The following TTC27 variants were observed in gnomAD, a reference collection of about 807,000 sequenced individuals.
TTC27 encodes tetratricopeptide repeat protein 27.
A neutral mutation model predicts 115.9 loss-of-function variants in TTC27; 79 were observed. The ratio of observed to expected loss-of-function variants is 0.68; its 90% confidence interval spans 0.57 to 0.82. The LOEUF (loss-of-function observed/expected upper bound fraction) is 0.82. Among genes scored for constraint, TTC27 ranks in the 40% least tolerant of loss-of-function variants. The pLI is 0.00. For missense variants in TTC27, 1,054 were observed against 993.1 expected (o/e 1.06, Z -0.82); for synonymous variants, 401 against 356.0 (o/e 1.13, Z -1.42).
chr2:32,678,300 C>T (rs538638375), intron 8 of TTC27, among the ~76,000 whole-genome samples: 12 of 151,502 alleles, frequency 7.9e-5, no homozygotes, highest in African/African-American at 2.9e-4. Flanking sequence ...ATTTAGTACA[C>T]CAATCGCATT....
chr2:32,792,356 G>C (rs1257404196), intron 16 of TTC27, among the ~76,000 whole-genome samples: 1 of 152,122 alleles, frequency 6.6e-6, no homozygotes, highest in Non-Finnish European at 1.5e-5. Flanking sequence ...TTTAACTGTT[G>C]AGGTACCTGA....
chr2:32,799,673 T>C (rs980649782), intron 16 of TTC27, among the ~76,000 whole-genome samples: 1 of 152,106 alleles, frequency 6.6e-6, no homozygotes, highest in African/African-American at 2.4e-5. Context: ...ATAAGAAAGA[T>C]AAAAAGCTAA....
chr2:32,713,971 C>T (rs899413653), intron 10 of TTC27, among the ~76,000 whole-genome samples: 29 of 152,172 alleles, frequency 1.9e-4, no homozygotes, highest in Admixed American at 5.9e-4. Context: ...TCTTTGTATC[C>T]ATGTGTATCC....
chr2:32,774,021 GTTGAATTCACATCT>G (rs1005665292), intron 13 of TTC27, among the ~76,000 whole-genome samples: 15 of 152,204 alleles, frequency 9.9e-5, no homozygotes, highest in East Asian at 1.9e-4. Flanking sequence ...ACAAATTTGT[GTTGAATTCACATCT>G]TTGAATTCAC....
At chr2:32,654,524 C>T (rs1665245315) in intron 5 of TTC27, among the ~76,000 whole-genome samples, 1 of 151,918 alleles carries the variant, frequency 6.6e-6, no homozygotes, top group Non-Finnish European at 1.5e-5. Flanking sequence ...CAGGGTATAG[C>T]ATTTCATGTT....
At chr2:32,649,392 G>A (rs755327401) in intron 4 of TTC27, among the ~76,000 whole-genome samples, 1 of 151,764 alleles carries the variant, frequency 6.6e-6, no homozygotes, top group Non-Finnish European at 1.5e-5. Flanking sequence ...ATAAAATACA[G>A]TGGAATGTGT....
rs190459952 is a variant in TTC27 at position 32,678,488 on chromosome 2, C to G, written c.1053-368C>G. On this transcript the variant is annotated intron_variant, in intron 8 of 19. Coordinates refer to ENST00000317907, the MANE Select transcript of TTC27 (RefSeq NM_017735.5). ...TGTTGCCCAGGCTGGAGTGCAGTGTCGCGATCTCGGCTCACTGCAAGCTCC... is the reference window on the plus strand; with the variant it reads ...TGTTGCCCAGGCTGGAGTGCAGTGTGGCGATCTCGGCTCACTGCAAGCTCC... 4.3e-3 allele frequency among the ~76,000 whole-genome samples: 659 copies of G among 151,790 alleles called. 8 individuals are homozygous for G. The highest frequency in any genetic ancestry group is 0.032 in the Admixed American group (483 of 15,222).
rs146892953 is a variant in TTC27 at position 32,743,574 on chromosome 2, C to A, written c.1452+6758C>A. On this transcript the variant is annotated intron_variant, in intron 12 of 19. Coordinates refer to ENST00000317907, the MANE Select transcript of TTC27 (RefSeq NM_017735.5). Reference sequence around the variant, plus strand: ...CAATATATTAGTTCCTTTTCTTGCACATACCTGAAATTCTCAGTTCTCAAC... The same window carrying A: ...CAATATATTAGTTCCTTTTCTTGCAAATACCTGAAATTCTCAGTTCTCAAC... Among the ~76,000 whole-genome samples, 1,181 of 152,298 alleles carry A rather than the reference C, an allele frequency of 7.8e-3. 16 individuals are homozygous for A. The highest frequency in any genetic ancestry group is 0.026 in the African/African-American group (1,069 of 41,556).
At position 32,628,147 on chromosome 2, in the gene TTC27, A is replaced by T; in HGVS notation, c.-146A>T. On this transcript the variant is annotated 5_prime_UTR_variant, in exon 1 of 20. The change abolishes an upstream ATG in the 5' untranslated region. Coordinates refer to ENST00000317907, the MANE Select transcript of TTC27 (RefSeq NM_017735.5). ...CGCCTCCTTGAGGTAGTATCCGCAC[A>T]TGGAATTCTAGGGCCGCAGGTGTAT... The T allele has an allele frequency of 1.4e-6, 1 of 730,034 alleles. No individual in the cohort carries two copies. Among genetic ancestry groups the T allele is most frequent in the Non-Finnish European group, 2.3e-6 (1 of 437,040 alleles). 45.2% of individuals were successfully genotyped at this position (730,034 alleles called of 1,614,324 possible).
chr2:32,682,410 A>G (rs113501110), intron 9 of TTC27, among the ~76,000 whole-genome samples: 343 of 152,290 alleles, frequency 2.3e-3, no homozygotes, highest in African/African-American at 7.2e-3. Flanking sequence ...AGGCTGGTAC[A>G]CTCATAGCAT....
At chr2:32,642,380 T>A (rs1311455237) in intron 4 of TTC27, among the ~76,000 whole-genome samples, 1 of 149,420 alleles carries the variant, frequency 6.7e-6, no homozygotes, top group East Asian at 2.0e-4. Context: ...GCCTCCTGAG[T>A]AGCTGGGATT....
At chr2:32,811,282 CT>C in intron 17 of TTC27, 61 bp downstream of exon 17, 1 of 1,465,982 alleles carries the variant, frequency 6.8e-7, no homozygotes, top group Non-Finnish European at 9.4e-7. Context: ...AGTAGATCTA[CT>C]TTTTTGATGG....
intron 16 of TTC27, among the ~76,000 whole-genome samples, chr2:32,795,640 C>T (rs1027626055): frequency 4.0e-5 from 6 of 150,946 alleles, no homozygotes; most frequent in African/African-American, 1.5e-4. Flanking sequence ...GCAACTTCCA[C>T]CTCCCAGGCT....
intron 9 of TTC27, among the ~76,000 whole-genome samples, chr2:32,692,348 C>T (rs1666846043): frequency 6.6e-6 from 1 of 151,920 alleles, no homozygotes; most frequent in Non-Finnish European, 1.5e-5. Flanking sequence ...CTATGTAATT[C>T]CACATGAAGT....
At chr2:32,748,869 G>A (rs1668916755) in intron 12 of TTC27, among the ~76,000 whole-genome samples, 2 of 151,758 alleles carry the variant, frequency 1.3e-5, no homozygotes, top group Admixed American at 6.6e-5. Flanking sequence ...TGTATTTTTA[G>A]TAGAGACGGG....
intron 9 of TTC27, among the ~76,000 whole-genome samples, chr2:32,699,519 A>AGC (rs1667112269): frequency 6.6e-6 from 1 of 152,196 alleles, no homozygotes; most frequent in Non-Finnish European, 1.5e-5. Context: ...TGGTTGCTGA[A>AGC]ATTTTTTTAA....
intron 10 of TTC27, among the ~76,000 whole-genome samples, chr2:32,716,979 C>T (rs976105124): frequency 1.3e-5 from 2 of 150,128 alleles, no homozygotes; most frequent in African/African-American, 2.5e-5. Context: ...CAAGTGTGAG[C>T]CACTACACCT....
intron 14 of TTC27, chr2:32,780,168 C>A: frequency 2.3e-6 from 1 of 429,528 alleles, no homozygotes. Context: ...ATTCAGCATT[C>A]CTTGAATTTT....
At chr2:32,705,130 C>T (rs1290211754) in intron 10 of TTC27, 3 of 276,818 alleles carry the variant, frequency 1.1e-5, no homozygotes. Flanking sequence ...TAGTGCCCTC[C>T]CCACAGTAAT....
Sources: gnomAD v4.1 joint callset for allele counts (sites outside exome capture counted in the v4.1 genomes callset) on GRCh38, gnomAD v4.1.1 for gene constraint, MANE v1.5 for transcripts, NCBI Gene and HGNC (gene_info 2026-07-23, HGNC 2026-07-21) for gene names.